The following ATP10A variants were observed in gnomAD, a reference collection of about 807,000 sequenced individuals.
ATP10A encodes the protein phospholipid-transporting ATPase VA.
In ATP10A, 111 loss-of-function variants were observed where a neutral mutation model predicts 147.8. That is an observed-to-expected ratio of 0.75 (90% CI 0.64 to 0.88). The LOEUF is 0.88. Among genes scored for constraint, ATP10A ranks in the 40% least tolerant of loss-of-function variants. ATP10A has a pLI of 0.00. For synonymous variants in ATP10A, 875 were observed against 841.6 expected (o/e 1.04, Z -0.69); for missense variants, 1,927 against 1,959.0 (o/e 0.98, Z 0.31).
intron 1 of ATP10A, among the ~76,000 whole-genome samples, chr15:25,784,795 G>A (rs1229814934): frequency 6.6e-6 from 1 of 152,076 alleles, no homozygotes; most frequent in Non-Finnish European, 1.5e-5. Flanking sequence ...GGTGGCACGT[G>A]CCTGTAATCC....
intron 1 of ATP10A, among the ~76,000 whole-genome samples, chr15:25,847,497 A>T (rs1201229064): frequency 1.3e-5 from 2 of 151,990 alleles, no homozygotes; most frequent in Non-Finnish European, 2.9e-5. Context: ...AATTTTAAAA[A>T]GCACCTTTTT....
At chr15:25,735,954 C>T in intron 3 of ATP10A, 102 bp downstream of exon 3, 4 of 1,062,752 alleles carry the variant, frequency 3.8e-6, no homozygotes, top group Non-Finnish European at 5.8e-6. Context: ...CACCATGTGG[C>T]AAAGAGTATT....
intron 1 of ATP10A, among the ~76,000 whole-genome samples, chr15:25,805,263 C>T (rs969841838): frequency 2.0e-4 from 31 of 152,320 alleles, no homozygotes; most frequent in African/African-American, 7.5e-4. Flanking sequence ...CTGTGGCAGC[C>T]GGTCCCTCCA....
chr15:25,732,702 C>T (rs1567341697), intron 3 of ATP10A, among the ~76,000 whole-genome samples: 1 of 151,650 alleles, frequency 6.6e-6, no homozygotes, highest in African/African-American at 2.4e-5. Context: ...ACTACAGGCG[C>T]CCTCCATGAC....
chr15:25,795,978 T>C (rs1890654452), intron 1 of ATP10A, among the ~76,000 whole-genome samples: 1 of 152,098 alleles, frequency 6.6e-6, no homozygotes, highest in Non-Finnish European at 1.5e-5. Flanking sequence ...CCTTCCCCTA[T>C]GAGAGGAAGC....
At chr15:25,716,109 C>T (rs1008253509) in intron 9 of ATP10A, among the ~76,000 whole-genome samples, 6 of 152,224 alleles carry the variant, frequency 3.9e-5, no homozygotes, top group African/African-American at 4.8e-5. Flanking sequence ...GATTCTCGAC[C>T]GCTTTTCATT....
intron 2 of ATP10A, among the ~76,000 whole-genome samples, chr15:25,769,486 C>CAA (rs58272964): frequency 9.1e-5 from 5 of 54,772 alleles, no homozygotes; most frequent in East Asian, 6.8e-4. Flanking sequence ...GACTCTGTCT[C>CAA]AAAAAAAAAA....
intron 5 of ATP10A, among the ~76,000 whole-genome samples, chr15:25,725,404 T>C (rs1329928202): frequency 6.6e-6 from 1 of 152,138 alleles, no homozygotes; most frequent in African/African-American, 2.4e-5. Flanking sequence ...GACTTGAGCA[T>C]CTGAAGATTT....
At chr15:25,728,349 A>G (rs144304061) in intron 3 of ATP10A, among the ~76,000 whole-genome samples, 17 of 152,160 alleles carry the variant, frequency 1.1e-4, no homozygotes, top group African/African-American at 4.1e-4. Flanking sequence ...TACCAACAGC[A>G]AGGGTTCTTC....
intron 2 of ATP10A, among the ~76,000 whole-genome samples, chr15:25,769,833 C>T (rs1023578825): frequency 1.3e-5 from 2 of 152,170 alleles, no homozygotes; most frequent in Non-Finnish European, 2.9e-5. Context: ...ACCCTGGATA[C>T]CTCAGACTGT....
chr15:25,683,955 C>G (rs1232742317), intron 16 of ATP10A: 1 of 164,908 alleles, frequency 6.1e-6, no homozygotes, highest in Non-Finnish European at 1.3e-5. Flanking sequence ...CTTTAGTGAC[C>G]TGCATACTCT....
At chr15:25,778,489 G>T (rs1889736216) in intron 2 of ATP10A, among the ~76,000 whole-genome samples, 1 of 132,246 alleles carries the variant, frequency 7.6e-6, no homozygotes, top group South Asian at 2.3e-4. Context: ...GGACCTTTAG[G>T]GAAAGAGAAA....
chr15:25,680,720 C>A, intron 19 of ATP10A, 90 bp downstream of exon 19: 1 of 1,250,026 alleles, frequency 8.0e-7, no homozygotes. Flanking sequence ...CTACTCAAAA[C>A]GACCTCCCAG....
At chr15:25,817,284 T>C (rs1891702799) in intron 1 of ATP10A, among the ~76,000 whole-genome samples, 1 of 152,160 alleles carries the variant, frequency 6.6e-6, no homozygotes, top group Non-Finnish European at 1.5e-5. Context: ...GGTTTCACCA[T>C]GTTGGTCAGG....
chr15:25,840,818 ACT>A (rs531735218), intron 1 of ATP10A, among the ~76,000 whole-genome samples: 4 of 151,746 alleles, frequency 2.6e-5, no homozygotes, highest in Non-Finnish European at 5.9e-5. Flanking sequence ...TGGTGGTATC[ACT>A]CTTTTTATTT....
At chr15:25,704,088 G>C (rs997640570) in intron 12 of ATP10A, among the ~76,000 whole-genome samples, 1 of 152,182 alleles carries the variant, frequency 6.6e-6, no homozygotes, top group East Asian at 1.9e-4. Context: ...CTCTACCCTG[G>C]CCCTTGGGCT....
intron 10 of ATP10A, among the ~76,000 whole-genome samples, chr15:25,713,146 G>A (rs1322214684): frequency 6.6e-6 from 1 of 152,208 alleles, no homozygotes; most frequent in Non-Finnish European, 1.5e-5. Flanking sequence ...AGGTGAGGCT[G>A]CACTCCTCCG....
At chr15:25,746,891 G>T (rs1887869233) in intron 2 of ATP10A, among the ~76,000 whole-genome samples, 2 of 152,170 alleles carry the variant, frequency 1.3e-5, no homozygotes, top group Admixed American at 1.3e-4. Context: ...GCTCGCTGGA[G>T]ATTTTCGGAT....
intron 16 of ATP10A, 25 bp from the exon 17 acceptor site, chr15:25,683,511 G>A (rs770116410): frequency 6.3e-7 from 1 of 1,591,286 alleles, no homozygotes; most frequent in African/African-American, 1.4e-5. Context: ...GGAAGAACAG[G>A]AACAGGCGAG....
Sources: gnomAD v4.1 joint callset for allele counts (sites outside exome capture counted in the v4.1 genomes callset) on GRCh38, gnomAD v4.1.1 for gene constraint, MANE v1.5 for transcripts, NCBI Gene and HGNC (gene_info 2026-07-23, HGNC 2026-07-21) for gene names.